Variants in ASTN1 observed in about 807,000 individuals in gnomAD.
The protein encoded by ASTN1 is astrotactin 1.
Under a neutral mutation model 140.7 loss-of-function variants are expected in ASTN1, and 41 were observed. The ratio of observed to expected loss-of-function variants is 0.29; its 90% CI spans 0.23 to 0.38. The LOEUF (loss-of-function observed/expected upper bound fraction) is 0.38. Ranked by LOEUF, ASTN1 falls within the 10% of genes least tolerant of loss-of-function variation. The probability of loss-of-function intolerance (pLI) is 1.00; values close to 1 mark genes in which losing one functional copy is unlikely to be tolerated. For missense variants in ASTN1, 1,479 were observed against 1,678.8 expected (o/e 0.88, Z 2.08); for synonymous variants, 640 against 652.2 (o/e 0.98, Z 0.29).
intron 1 of ASTN1, among the ~76,000 whole-genome samples, chr1:177,113,991 G>T (rs1045216461): frequency 2.0e-5 from 3 of 152,168 alleles, no homozygotes; most frequent in Non-Finnish European, 4.4e-5. Flanking sequence ...AGCTTCAAAG[G>T]ATGAAAGAAA....
intron 8 of ASTN1, among the ~76,000 whole-genome samples, chr1:177,004,485 G>GAAC (rs769692562): frequency 1.3e-5 from 2 of 151,788 alleles, no homozygotes; most frequent in Non-Finnish European, 2.9e-5. Flanking sequence ...AATTCATATG[G>GAAC]AACAACAACA....
At chr1:177,142,909 G>C (rs1682538723) in intron 1 of ASTN1, among the ~76,000 whole-genome samples, 1 of 147,030 alleles carries the variant, frequency 6.8e-6, no homozygotes, top group Admixed American at 6.7e-5. Flanking sequence ...AAAAAGGGGG[G>C]GAGGGGTGCT....
chr1:177,007,691 T>C (rs1369537534), intron 8 of ASTN1, among the ~76,000 whole-genome samples: 1 of 152,178 alleles, frequency 6.6e-6, no homozygotes, highest in East Asian at 1.9e-4. Context: ...TGAACCGGCA[T>C]GCACGAGTCA....
intron 8 of ASTN1, among the ~76,000 whole-genome samples, chr1:177,001,897 C>T (rs919467659): frequency 1.3e-5 from 2 of 152,186 alleles, no homozygotes; most frequent in Non-Finnish European, 2.9e-5. Context: ...AGCACTTGTT[C>T]CTTTCAAAGT....
intron 8 of ASTN1, among the ~76,000 whole-genome samples, chr1:176,973,114 C>T (rs1163197398): frequency 6.6e-6 from 1 of 152,148 alleles, no homozygotes; most frequent in Non-Finnish European, 1.5e-5. Flanking sequence ...CTCTACCCTC[C>T]TTTTCCCATG....
At chr1:176,907,362 T>C (rs999645384) in intron 16 of ASTN1, among the ~76,000 whole-genome samples, 1 of 152,206 alleles carries the variant, frequency 6.6e-6, no homozygotes, top group Non-Finnish European at 1.5e-5. Flanking sequence ...GCATTTAATA[T>C]CATTACTGTT....
At chr1:177,068,969 C>T (rs966389027) in intron 1 of ASTN1, among the ~76,000 whole-genome samples, 4 of 151,944 alleles carry the variant, frequency 2.6e-5, no homozygotes, top group African/African-American at 7.3e-5. Flanking sequence ...CAGGTAGGTA[C>T]ATGCCACCAT....
At chr1:177,024,542 T>C in intron 6 of ASTN1, 41 bp downstream of exon 6, 1 of 1,602,050 alleles carries the variant, frequency 6.2e-7, no homozygotes. Context: ...AAACTTTCCT[T>C]TTTGGGGGGC....
intron 1 of ASTN1, among the ~76,000 whole-genome samples, chr1:177,131,684 T>A (rs912090102): frequency 6.6e-5 from 10 of 152,282 alleles, no homozygotes; most frequent in African/African-American, 2.2e-4. Flanking sequence ...TCAGTCTGTT[T>A]AGTGTTGTAT....
chr1:177,001,148 A>G (rs1336036020), intron 8 of ASTN1, among the ~76,000 whole-genome samples: 2 of 152,352 alleles, frequency 1.3e-5, no homozygotes, highest in African/African-American at 4.8e-5. Context: ...CCATGGGAAG[A>G]CAAACACATT....
intron 16 of ASTN1, among the ~76,000 whole-genome samples, chr1:176,922,047 G>C (rs930870543): frequency 9.9e-5 from 15 of 152,208 alleles, no homozygotes; most frequent in African/African-American, 3.6e-4. Context: ...AGAATTCAGA[G>C]ATTTGTGAAC....
intron 4 of ASTN1, among the ~76,000 whole-genome samples, chr1:177,029,952 GC>G (rs1284539237): frequency 6.6e-6 from 1 of 152,146 alleles, no homozygotes; most frequent in Non-Finnish European, 1.5e-5. Context: ...GCTCTACCCT[GC>G]CCCACCCACT....
At chr1:177,012,653 G>A (rs1201681628) in intron 8 of ASTN1, among the ~76,000 whole-genome samples, 1 of 152,128 alleles carries the variant, frequency 6.6e-6, no homozygotes, top group Non-Finnish European at 1.5e-5. Context: ...TGAGACTCTT[G>A]TCTACATCCT....
At chr1:176,891,701 G>A (rs1302397140) in intron 17 of ASTN1, among the ~76,000 whole-genome samples, 3 of 152,168 alleles carry the variant, frequency 2.0e-5, no homozygotes, top group Non-Finnish European at 2.9e-5. Flanking sequence ...GCTGAGGCAG[G>A]AGAATCGCTT....
chr1:176,967,186 TA>T (rs1175618337), intron 8 of ASTN1, among the ~76,000 whole-genome samples: 1 of 152,172 alleles, frequency 6.6e-6, no homozygotes, highest in Non-Finnish European at 1.5e-5. Context: ...ATTGGCTCCA[TA>T]AAGTATCCAA....
rs188552171 is a variant in ASTN1 at position 176,868,347 on chromosome 1, C to T, written c.3647+497G>A. 4.6e-5 allele frequency among the ~76,000 whole-genome samples: 7 copies of T among 152,268 alleles called. No homozygotes were observed. In the East Asian group the frequency reaches 7.7e-4, roughly 17 times the overall value. On this transcript the variant is annotated intron_variant, in intron 22 of 22. Transcript: ENST00000361833. Reference sequence around the variant, plus strand: ...CCAAGAGAAGTTAGCACACACTATGCGACCCTAGCTCCGGCCAAGATTGAT... The same window carrying T: ...CCAAGAGAAGTTAGCACACACTATGTGACCCTAGCTCCGGCCAAGATTGAT...
At chr1:176,904,506 G>A (rs1041694996) in intron 16 of ASTN1, among the ~76,000 whole-genome samples, 10 of 151,982 alleles carry the variant, frequency 6.6e-5, no homozygotes, top group Admixed American at 2.0e-4. Context: ...AGAGAGAGGC[G>A]AAAATGAGGA....
intron 2 of ASTN1, among the ~76,000 whole-genome samples, chr1:177,044,226 G>A (rs1289543149): frequency 1.4e-5 from 2 of 147,364 alleles, no homozygotes; most frequent in Non-Finnish European, 3.0e-5. Context: ...CAACTGCCCT[G>A]TCCTACCTCC....
chr1:176,929,751 G>A (rs1330256105), intron 16 of ASTN1, among the ~76,000 whole-genome samples: 1 of 152,236 alleles, frequency 6.6e-6, no homozygotes, highest in Non-Finnish European at 1.5e-5. Flanking sequence ...GCTCACGCCA[G>A]TAATCCCAGC....
Sources: gnomAD v4.1 joint callset for allele counts (sites outside exome capture counted in the v4.1 genomes callset) on GRCh38, gnomAD v4.1.1 for gene constraint, MANE v1.5 for transcripts, NCBI Gene and HGNC (gene_info 2026-07-23, HGNC 2026-07-21) for gene names.